DPH7: variants seen among roughly 807,000 people sequenced by gnomAD.
DPH7 encodes the protein diphthamide biosynthesis 7.
In DPH7, 44 loss-of-function variants were observed where a neutral mutation model predicts 41.7. That is an observed-to-expected ratio of 1.05 (90% CI 0.83 to 1.36). DPH7 has a LOEUF of 1.36. Ranked by LOEUF, DPH7 falls within the 40% of genes most tolerant of loss-of-function variation. The probability of loss-of-function intolerance (pLI) is 0.00; values close to 1 mark genes in which losing one functional copy is unlikely to be tolerated. For missense variants in DPH7, 629 were observed against 577.5 expected, an observed-to-expected ratio of 1.09 and a Z score of -0.91; for synonymous variants, 275 against 238.0, an observed-to-expected ratio of 1.16 and a Z score of -1.43.
intron 8 of DPH7, among the ~76,000 whole-genome samples, chr9:137,558,880 G>A (rs1009186117): frequency 1.3e-5 from 2 of 151,878 alleles, no homozygotes; most frequent in Non-Finnish European, 2.9e-5. Flanking sequence ...GACTACAGGC[G>A]CCCGACCTCA....
chr9:137,574,587 ATCT>A, intron 4 of DPH7, 162 bp downstream of exon 4: 1 of 845,540 alleles, frequency 1.2e-6, no homozygotes, highest in Non-Finnish European at 1.9e-6. Flanking sequence ...ATCGCTATGT[ATCT>A]AAAATGGGGG....
At position 137,555,666 on chromosome 9, in the gene DPH7, A is replaced by G. The variant is rs1837382714; in HGVS notation, c.950-18T>C. The G allele has an allele frequency of 6.4e-7, 1 of 1,564,008 alleles. No homozygotes were observed. Among genetic ancestry groups the G allele is most frequent in the African/African-American group, 1.4e-5 (1 of 73,606 alleles). The stretch of plus-strand genomic sequence containing the variant: ...CCTCTCCTCTGGAGTGAGAGATGGG[A>G]GAACCCAGGAAACACAACATCACCC... On this transcript the variant is annotated intron_variant, in intron 8 of 8. Transcript: ENST00000277540.
rs965065344 is a variant in DPH7 at position 137,564,793 on chromosome 9, T to A, written c.776+100A>T. The A allele has an allele frequency of 9.6e-6, 14 of 1,458,550 alleles. No homozygotes were observed. In the African/African-American group the frequency reaches 1.8e-4, roughly 19 times the overall value. The allele number at this position is 1,458,550 out of a possible 1,614,324, so 90.4% of individuals were successfully genotyped here. ...ACTGGCAGACGAAATGCTGCAATGGTGCCAGGAGGAAAGGCAGCGAAAGAG... is the reference window on the plus strand; with the variant it reads ...ACTGGCAGACGAAATGCTGCAATGGAGCCAGGAGGAAAGGCAGCGAAAGAG... On this transcript the variant is annotated intron_variant, in intron 7 of 8. Coordinates refer to ENST00000277540, the MANE Select transcript of DPH7 (RefSeq NM_138778.5).
chr9:137,556,718 T>G lies in DPH7; in HGVS notation c.950-1070A>C. The G allele has an allele frequency of 2.3e-6, 1 of 435,670 alleles. No homozygotes were observed. The highest frequency in any genetic ancestry group is 4.6e-6 in the Non-Finnish European group (1 of 216,922). The allele number at this position is 435,670 out of a possible 1,614,324, so 27.0% of individuals were successfully genotyped here. On this transcript the variant is annotated intron_variant, in intron 8 of 8. Coordinates refer to ENST00000277540, the MANE Select transcript of DPH7 (RefSeq NM_138778.5). The surrounding 1 kb of genome is among the most constrained non-coding windows in gnomAD (Gnocchi z 5.2). ...CCCCTGGGGAGGCCGTTACTGTCCC[T>G]TGGGAGGTAGCGTCACAGGGCAGGC...
intron 8 of DPH7, among the ~76,000 whole-genome samples, chr9:137,560,247 G>A (rs80303761): frequency 0.017 from 2,645 of 152,218 alleles, 33 homozygotes; most frequent in Non-Finnish European, 0.026. Flanking sequence ...TCTCCTAAGC[G>A]TCTCTCAGGA....
At chr9:137,563,290 C>T (rs1303840183) in intron 8 of DPH7, among the ~76,000 whole-genome samples, 4 of 151,994 alleles carry the variant, frequency 2.6e-5, no homozygotes, top group Non-Finnish European at 5.9e-5. Flanking sequence ...CCTAACACTT[C>T]GGGAGGCCAA....
intron 8 of DPH7, among the ~76,000 whole-genome samples, chr9:137,559,507 G>A (rs535986417): frequency 6.6e-6 from 1 of 152,222 alleles, no homozygotes; most frequent in Non-Finnish European, 1.5e-5. Flanking sequence ...GTTATCCGGA[G>A]GCCTAACCGT....
rs368464841 is a variant in DPH7 at position 137,556,246 on chromosome 9, A to G, written c.950-598T>C. 3.9e-5 allele frequency among the ~76,000 whole-genome samples: 6 copies of G among 152,324 alleles called. No homozygotes were observed. The highest frequency in any genetic ancestry group is 1.4e-4 in the African/African-American group (6 of 41,568). On this transcript the variant is annotated intron_variant, in intron 8 of 8. Coordinates refer to ENST00000277540, the MANE Select transcript of DPH7 (RefSeq NM_138778.5). The surrounding 1 kb of genome is among the most constrained non-coding windows in gnomAD (Gnocchi z 5.2). ...CTACGGCAACTGGAAAGAGGCCACA[A>G]CTGCCTCCCAGAGCACACAGCAACA...
At chr9:137,575,524 C>G (rs936680515) in intron 3 of DPH7, 8 of 991,546 alleles carry the variant, frequency 8.1e-6, no homozygotes, top group Non-Finnish European at 9.6e-6. Context: ...TACACAGGCC[C>G]TCGGTTGGCC....
chr9:137,559,494 G>A (rs141491835), intron 8 of DPH7, among the ~76,000 whole-genome samples: 2,009 of 152,276 alleles, frequency 0.013, 30 homozygotes, highest in African/African-American at 0.034. Flanking sequence ...AGACCTGCCC[G>A]CAGTTATCCG....
chr9:137,561,704 A>G (rs1259280835), intron 8 of DPH7, among the ~76,000 whole-genome samples: 2 of 152,220 alleles, frequency 1.3e-5, no homozygotes, highest in Non-Finnish European at 2.9e-5. Context: ...CTAGATTTAA[A>G]GACAGACACT....
intron 8 of DPH7, among the ~76,000 whole-genome samples, chr9:137,557,905 C>T (rs1291087095): frequency 2.6e-5 from 4 of 152,116 alleles, no homozygotes; most frequent in East Asian, 1.9e-4. Flanking sequence ...GAGGCCGAGG[C>T]GGGTTGATCA....
intron 2 of DPH7, 78 bp from the exon 3 acceptor site, chr9:137,576,245 C>G (rs987432228): frequency 2.3e-6 from 3 of 1,318,748 alleles, no homozygotes; most frequent in African/African-American, 2.9e-5. Context: ...TAACCACAGT[C>G]ACGCTTCCCT....
rs1837512916 is a variant in DPH7 at position 137,556,416 on chromosome 9, T to C, written c.950-768A>G. On this transcript the variant is annotated intron_variant, in intron 8 of 8. Coordinates refer to ENST00000277540, the MANE Select transcript of DPH7 (RefSeq NM_138778.5). The surrounding 1 kb of genome is among the most constrained non-coding windows in gnomAD (Gnocchi z 5.2). ...GTGGCCACTTGGGCTCTGAAAGGGC[T>C]GCCATCGCTACCTCTGAAGTACAGG... is the stretch of plus-strand genomic sequence containing the variant. Among the ~76,000 whole-genome samples the C allele has an allele frequency of 6.6e-6, 1 of 152,192 alleles. No individual in the cohort carries two copies. Among genetic ancestry groups the C allele is most frequent in the Non-Finnish European group, 1.5e-5 (1 of 68,034 alleles).
intron 3 of DPH7, 176 bp downstream of exon 3, chr9:137,575,904 G>T: frequency 7.1e-7 from 1 of 1,411,320 alleles, no homozygotes; most frequent in Non-Finnish European, 9.2e-7. Flanking sequence ...TCTTGGAGTT[G>T]GATGTAGAAC....
chr9:137,573,090 G>C (rs1192172228), intron 5 of DPH7, among the ~76,000 whole-genome samples: 2 of 152,106 alleles, frequency 1.3e-5, no homozygotes, highest in Admixed American at 6.6e-5. Flanking sequence ...GGCGGGGCAA[G>C]GTGGCTCACG....
In DPH7 at chr9:137,556,927, CCTTT is replaced by C; in HGVS notation, c.950-1283_950-1280del. 1 of 455,694 alleles carries C rather than the reference CCTTT, an allele frequency of 2.2e-6. No homozygotes were observed. The highest frequency in any genetic ancestry group is 6.9e-5 in the East Asian group (1 of 14,400). The allele number at this position is 455,694 out of a possible 1,614,324, so 28.2% of individuals were successfully genotyped here. A position where few individuals can be genotyped will look rare whatever the true frequency, so the allele number is the denominator to read the frequency against. On this transcript the variant is annotated intron_variant, in intron 8 of 8. Coordinates refer to ENST00000277540, the MANE Select transcript of DPH7 (RefSeq NM_138778.5). The surrounding 1 kb of genome is among the most constrained non-coding windows in gnomAD (Gnocchi z 5.2). ...TGTTGCGACCCCAAGAATGGGAGGC[CCTTT>C]CTGATTAGCCACAGGCCAACGTTTC... is the stretch of plus-strand genomic sequence containing the variant.
chr9:137,574,054 G>A (rs577268397), intron 5 of DPH7, among the ~76,000 whole-genome samples, 154 bp downstream of exon 5: 2 of 152,036 alleles, frequency 1.3e-5, no homozygotes, highest in Admixed American at 6.6e-5. Context: ...AAAAGAGCAA[G>A]ACTCAGTTTC....
chr9:137,563,947 C>G (rs1157758102), intron 8 of DPH7, among the ~76,000 whole-genome samples: 1 of 152,176 alleles, frequency 6.6e-6, no homozygotes, highest in Non-Finnish European at 1.5e-5. Flanking sequence ...GCCACGTTCT[C>G]CGGCTCAACC....
Sources: gnomAD v4.1 joint callset for allele counts (sites outside exome capture counted in the v4.1 genomes callset) on GRCh38, gnomAD v4.1.1 for gene constraint, Gnocchi (gnomAD v3.1) non-coding constraint, MANE v1.5 for transcripts, NCBI Gene and HGNC (gene_info 2026-07-23, HGNC 2026-07-21) for gene names.